The following PLCG2 variants were observed in gnomAD, a reference collection of about 807,000 sequenced individuals.
PLCG2 encodes the protein phospholipase C gamma 2.
In PLCG2, 69 loss-of-function variants were observed where a neutral mutation model predicts 175.6. That is an observed-to-expected ratio of 0.39 (90% confidence interval 0.32 to 0.48). The LOEUF (loss-of-function observed/expected upper bound fraction) is 0.48, where lower values mean the gene tolerates loss of function less well. PLCG2 is among the 20% of genes least tolerant of loss of function. The pLI, the probability that PLCG2 is intolerant of heterozygous loss-of-function variation, is 0.91. For missense variants in PLCG2, 1,798 were observed against 1,650.9 expected, an observed-to-expected ratio of 1.09 and a Z score of -1.54; for synonymous variants, 827 against 624.0, an observed-to-expected ratio of 1.33 and a Z score of -4.85.
chr16:81,778,016 CA>C (rs753644088), upstream of PLCG2, among the ~76,000 whole-genome samples: 9,908 of 48,746 alleles, frequency 0.2, 984 homozygotes, highest in African/African-American at 0.25. Flanking sequence ...GACTTTGTCT[CA>C]AAAAAAAAAA....
intron 2 of PLCG2, among the ~76,000 whole-genome samples, chr16:81,829,582 G>A (rs888247679): frequency 1.3e-5 from 2 of 152,146 alleles, no homozygotes; most frequent in African/African-American, 2.4e-5. Context: ...TTACCACATC[G>A]CTATCAAAGT....
At chr16:81,763,716 C>G (rs1190479108) in intron 2 of PLCG2, among the ~76,000 whole-genome samples, 1 of 152,202 alleles carries the variant, frequency 6.6e-6, no homozygotes, top group Non-Finnish European at 1.5e-5. Context: ...CCTGTAATCC[C>G]AGCACTTTGG....
At chr16:81,936,970 C>T (rs958512154) in intron 27 of PLCG2, among the ~76,000 whole-genome samples, 1 of 152,224 alleles carries the variant, frequency 6.6e-6, no homozygotes. Context: ...CCATTATTTG[C>T]TGTCATAGAC....
At chr16:81,811,367 G>A (rs79087303) in intron 2 of PLCG2, among the ~76,000 whole-genome samples, 30,859 of 152,084 alleles carry the variant, frequency 0.2, 3,343 homozygotes, top group Middle Eastern at 0.26. Flanking sequence ...GGTTTTGCAC[G>A]TCGGGGTTCA....
chr16:81,828,817 A>G (rs1003969842), intron 2 of PLCG2, among the ~76,000 whole-genome samples: 1 of 152,164 alleles, frequency 6.6e-6, no homozygotes, highest in Non-Finnish European at 1.5e-5. Flanking sequence ...GTTTCAACAA[A>G]TGTGAATTTA....
At chr16:81,846,687 G>C (rs927836792) in intron 2 of PLCG2, among the ~76,000 whole-genome samples, 2 of 152,162 alleles carry the variant, frequency 1.3e-5, no homozygotes, top group African/African-American at 2.4e-5. Context: ...ATATTTTCAA[G>C]ATATCAGTTC....
At chr16:81,936,429 C>A in intron 27 of PLCG2, 51 bp downstream of exon 27, 1 of 1,469,518 alleles carries the variant, frequency 6.8e-7, no homozygotes, top group South Asian at 1.1e-5. Flanking sequence ...CGGTTGCAGT[C>A]ACTCCAGGCC....
At chr16:81,821,139 G>A (rs142401330) in intron 2 of PLCG2, among the ~76,000 whole-genome samples, 98 of 152,284 alleles carry the variant, frequency 6.4e-4, no homozygotes, top group African/African-American at 2.0e-3. Flanking sequence ...TGATCTGCCC[G>A]CCTCGGCCTC....
intron 26 of PLCG2, among the ~76,000 whole-genome samples, chr16:81,935,228 G>GC (rs1280978808): frequency 6.6e-6 from 1 of 152,112 alleles, no homozygotes; most frequent in Admixed American, 6.5e-5. Context: ...GTTTCTGGGG[G>GC]CTGCTGGCAT....
intron 6 of PLCG2, among the ~76,000 whole-genome samples, chr16:81,870,006 C>T (rs1443787240): frequency 6.6e-6 from 1 of 152,196 alleles, no homozygotes; most frequent in East Asian, 1.9e-4. Context: ...CAAGGTTCCT[C>T]AGTGCAAAAA....
rs1015520844 is a variant in PLCG2, at chr16:81,817,315, G to C, written c.193+31133G>C. Among the ~76,000 whole-genome samples the C allele has an allele frequency of 5.3e-5, 8 of 152,258 alleles. 1 individual carries two copies. The highest frequency in any genetic ancestry group is 3.3e-4 in the Admixed American group (5 of 15,288). On this transcript the variant is annotated intron_variant, in intron 2 of 32. Coordinates refer to ENST00000564138, the MANE Select transcript of PLCG2 (RefSeq NM_002661.5). Reference sequence around the variant, plus strand: ...AATAATATTAGTACCTGTGCCGTGAGGCAGTTGTGAAGGTAAAATGAATTA... The same window carrying C: ...AATAATATTAGTACCTGTGCCGTGACGCAGTTGTGAAGGTAAAATGAATTA...
At chr16:81,856,444 C>T (rs369608316) in intron 3 of PLCG2, among the ~76,000 whole-genome samples, 1 of 152,076 alleles carries the variant, frequency 6.6e-6, no homozygotes, top group Middle Eastern at 3.2e-3. Flanking sequence ...TCCTCAATGC[C>T]GCTTATTAAC....
upstream of PLCG2, among the ~76,000 whole-genome samples, chr16:81,778,032 C>CACACAAAAA (rs1910498575): frequency 3.4e-5 from 2 of 58,710 alleles, no homozygotes; most frequent in African/African-American, 1.7e-4. Context: ...AAAAAAAAAA[C>CACACAAAAA]AAAAAAAAAA....
chr16:81,771,504 T>C (rs143107712), intron 2 of PLCG2, among the ~76,000 whole-genome samples: 4 of 152,158 alleles, frequency 2.6e-5, no homozygotes, highest in East Asian at 3.8e-4. Flanking sequence ...CTCTGAGAAG[T>C]CTTCGCAGCT....
chr16:81,952,571 AC>A, intron 31 of PLCG2, among the ~76,000 whole-genome samples: 1 of 152,354 alleles, frequency 6.6e-6, no homozygotes, highest in Non-Finnish European at 1.5e-5. Flanking sequence ...CTAGGAACCA[AC>A]CAGGGAGCGC....
intron 24 of PLCG2, among the ~76,000 whole-genome samples, chr16:81,930,747 CAAAAAA>C (rs34004978): frequency 2.4e-5 from 3 of 125,808 alleles, no homozygotes; most frequent in Admixed American, 8.4e-5. Flanking sequence ...CACCCTGTCT[CAAAAAA>C]AAAAAAAAAA....
intron 2 of PLCG2, among the ~76,000 whole-genome samples, chr16:81,840,835 C>T (rs1905784060): frequency 6.6e-6 from 1 of 152,164 alleles, no homozygotes; most frequent in African/African-American, 2.4e-5. Flanking sequence ...CAGGGCAGGG[C>T]ACGTGGTCCC....
chr16:81,904,713 G>C (rs909425495), intron 14 of PLCG2, among the ~76,000 whole-genome samples: 1 of 152,214 alleles, frequency 6.6e-6, no homozygotes, highest in Non-Finnish European at 1.5e-5. Flanking sequence ...TGCTCTTCTA[G>C]CACAGGAGAC....
At chr16:81,853,254 C>T (rs935238380) in intron 2 of PLCG2, among the ~76,000 whole-genome samples, 3 of 151,894 alleles carry the variant, frequency 2.0e-5, no homozygotes, top group African/African-American at 7.3e-5. Context: ...TTGTTTGAAC[C>T]TGGGAGGCAG....
Sources: allele counts gnomAD v4.1 joint callset (sites outside exome capture counted in the v4.1 genomes callset), GRCh38; gene constraint gnomAD v4.1.1; transcripts MANE v1.5; gene names NCBI Gene and HGNC (gene_info 2026-07-23, HGNC 2026-07-21).